EP400: variants seen among roughly 807,000 people sequenced by gnomAD.
EP400 encodes E1A-binding protein p400.
In EP400, 105 loss-of-function variants were observed where a neutral mutation model predicts 354.1. That is an observed-to-expected ratio of 0.30 (90% CI 0.25 to 0.35). EP400 has a LOEUF of 0.35. EP400 is among the 10% of genes least tolerant of loss of function. The probability of loss-of-function intolerance (pLI) is 1.00; values close to 1 mark genes in which losing one functional copy is unlikely to be tolerated. For synonymous variants in EP400, 1,646 were observed against 1,716.9 expected (o/e 0.96, Z 1.02); for missense variants, 3,280 against 4,121.0 (o/e 0.80, Z 5.59).
rs566877513 is a variant in EP400, at chr12:132,007,771, G to A, written c.3304+894G>A. On this transcript the variant is annotated intron_variant, in intron 15 of 52. Transcript: ENST00000389561. Reference sequence around the variant, plus strand: ...TTGTCTTTACATTTGAGCTTTGAACGTAAAGCTGGACACGTTTAAATTAGG... The same window carrying A: ...TTGTCTTTACATTTGAGCTTTGAACATAAAGCTGGACACGTTTAAATTAGG... Among the ~76,000 whole-genome samples, 4 of 152,294 alleles carry A rather than the reference G, an allele frequency of 2.6e-5. No individual in the cohort carries two copies. The South Asian group carries it at 6.2e-4, about 24-fold the overall frequency.
intron 2 of EP400, among the ~76,000 whole-genome samples, chr12:131,968,076 C>G (rs1288825347): frequency 6.6e-6 from 1 of 151,930 alleles, no homozygotes; most frequent in African/African-American, 2.4e-5. Context: ...TTAAGACTAT[C>G]TTTTTCAGAA....
chr12:132,009,196 T>C (rs890590876), intron 15 of EP400, among the ~76,000 whole-genome samples: 1 of 151,620 alleles, frequency 6.6e-6, no homozygotes, highest in African/African-American at 2.4e-5. Context: ...CTGCCCAAAG[T>C]GGTGGGATTA....
At chr12:132,044,372 A>G (rs1222963959) in intron 35 of EP400, 61 bp downstream of exon 35, 11 of 1,565,954 alleles carry the variant, frequency 7.0e-6, no homozygotes, top group South Asian at 5.9e-5. Context: ...TTGTGCAGCC[A>G]TGTTTGGCTT....
rs911999351 is a variant in EP400, at chr12:132,079,818, A to G, written c.*2145A>G. The G allele has an allele frequency of 9.2e-5, 14 of 152,178 alleles. No individual in the cohort carries two copies. Among genetic ancestry groups the G allele is most frequent in the African/African-American group, 3.4e-4 (14 of 41,446 alleles). The allele number at this position is 152,178 out of a possible 1,614,324, so 9.4% of individuals were successfully genotyped here. On this transcript the variant is annotated 3_prime_UTR_variant, in exon 53 of 53. Transcript: ENST00000389561. ...GTTCCCTAATACAAAACACGGACATATTTTTACTCGTAGCACTCAATTTAG... is the reference window on the plus strand; with the variant it reads ...GTTCCCTAATACAAAACACGGACATGTTTTTACTCGTAGCACTCAATTTAG...
intron 1 of EP400, among the ~76,000 whole-genome samples, chr12:131,957,513 TTTTC>T (rs1250875616): frequency 8.1e-4 from 122 of 150,992 alleles, no homozygotes; most frequent in African/African-American, 2.7e-3. Flanking sequence ...ACGTTTTGAT[TTTTC>T]TTTCTTTCTT....
intron 29 of EP400, 124 bp downstream of exon 29, chr12:132,030,282 T>C: frequency 8.6e-7 from 1 of 1,157,470 alleles, no homozygotes; most frequent in Non-Finnish European, 1.2e-6. Flanking sequence ...TTAATGAGCT[T>C]CTGAACTTTT....
chr12:132,078,774 T>TG lies in EP400; in HGVS notation c.*1103dup, dbSNP rs1896310276. 6.6e-6 allele frequency: 1 copy of TG among 152,250 alleles called. No individual in the cohort carries two copies. Among genetic ancestry groups the TG allele is most frequent in the Non-Finnish European group, 1.5e-5 (1 of 68,042 alleles). 9.4% of individuals were successfully genotyped at this position (152,250 alleles called of 1,614,324 possible). The stretch of plus-strand genomic sequence containing the variant: ...AGATTTTCTCTAGGATAAGCTTGTG[T>TG]GGTTCTGCCAGTGAAGCAGAGAACC... On this transcript the variant is annotated 3_prime_UTR_variant, in exon 53 of 53. Transcript: ENST00000389561.
intron 2 of EP400, among the ~76,000 whole-genome samples, chr12:131,966,023 C>G (rs1410231511): frequency 1.3e-5 from 2 of 149,590 alleles, no homozygotes; most frequent in African/African-American, 5.0e-5. Context: ...GTTTGGGTGG[C>G]TGGCTGGCTG....
At position 132,038,812 on chromosome 12, in the gene EP400, C is replaced by G. The variant is rs1174406118; in HGVS notation, c.6207+716C>G. Among the ~76,000 whole-genome samples the G allele has an allele frequency of 6.6e-6, 1 of 152,164 alleles. No individual in the cohort carries two copies. The highest frequency in any genetic ancestry group is 2.4e-5 in the African/African-American group (1 of 41,436). ...AGCCCCACGTCCTGGAGATGGAGGC[C>G]TTCAGCTGCCTTTGTTCTCTGAGTC... is the stretch of plus-strand genomic sequence containing the variant. On this transcript the variant is annotated intron_variant, in intron 32 of 52. Coordinates refer to ENST00000389561, the MANE Select transcript of EP400 (RefSeq NM_015409.5). This position sits in a 1 kb window ranked among gnomAD's most constrained non-coding sequence, Gnocchi z 4.2.
chr12:131,957,482 T>C (rs1406132555), intron 1 of EP400, among the ~76,000 whole-genome samples: 3 of 151,360 alleles, frequency 2.0e-5, no homozygotes, highest in African/African-American at 7.3e-5. Context: ...TTTTTTTTTT[T>C]CCTGTCACCT....
At chr12:132,076,384 C>A in intron 51 of EP400, 132 bp from the exon 52 acceptor site, 1 of 892,558 alleles carries the variant, frequency 1.1e-6, no homozygotes, top group Non-Finnish European at 1.8e-6. Context: ...GGGCACACTA[C>A]GAGAATTGCT....
intron 22 of EP400, 50 bp downstream of exon 22, chr12:132,020,268 G>A: frequency 2.0e-6 from 3 of 1,523,188 alleles, no homozygotes; most frequent in South Asian, 1.3e-5. Flanking sequence ...GTTTTTGTGG[G>A]ACAAGTTCAT....
intron 21 of EP400, among the ~76,000 whole-genome samples, chr12:132,019,596 A>G (rs529710392): frequency 6.6e-6 from 1 of 152,068 alleles, no homozygotes; most frequent in African/African-American, 2.4e-5. Context: ...CTAGCTACTT[A>G]GAGGCTGAGG....
rs545685421 is a variant in EP400, at chr12:132,061,963, C to T, written c.7885-147C>T. The stretch of plus-strand genomic sequence containing the variant: ...TTGCTTGTGAATTTACACATGAAAT[C>T]AGCAGTTTTCAAAAGACTGAACTCT... On this transcript the variant is annotated intron_variant, in intron 45 of 52. Transcript: ENST00000389561. 7.6e-6 allele frequency: 5 copies of T among 655,406 alleles called. No individual in the cohort carries two copies. The East Asian group carries it at 1.4e-4, about 18-fold the overall frequency. 40.6% of individuals were successfully genotyped at this position (655,406 alleles called of 1,614,324 possible).
chr12:131,975,128 G>A (rs1892427255), intron 2 of EP400, among the ~76,000 whole-genome samples: 2 of 151,994 alleles, frequency 1.3e-5, no homozygotes, highest in African/African-American at 4.8e-5. Flanking sequence ...GTCTTCTGCA[G>A]AACCCAGGGG....
At chr12:131,979,032 C>T (rs930947667) in intron 2 of EP400, among the ~76,000 whole-genome samples, 17 of 151,960 alleles carry the variant, frequency 1.1e-4, no homozygotes, top group African/African-American at 1.9e-4. Flanking sequence ...CTGGCTAATG[C>T]GGTGAAACCC....
chr12:131,960,707 G>GGGGGC lies in EP400; in HGVS notation c.88_89insGGGGC (p.Ala30GlyfsTer34). The GGGGGC allele has an allele frequency of 7.8e-6, 12 of 1,545,452 alleles. No homozygotes were observed. Among genetic ancestry groups the GGGGGC allele is most frequent in the Non-Finnish European group, 1.0e-5 (12 of 1,146,118 alleles). On this transcript the variant is annotated frameshift_variant, in exon 2 of 53. Transcript: ENST00000389561. LOFTEE classifies it high-confidence loss of function. The stretch of plus-strand genomic sequence containing the variant: ...TGGCAGCGAGGGTGAGGAGCAGCCG[G>GGGGGC]CCCACCCCAACCCACCCCCGTCCCC...
intron 35 of EP400, 108 bp from the exon 36 acceptor site, chr12:132,044,563 G>A: frequency 2.2e-6 from 3 of 1,369,288 alleles, no homozygotes; most frequent in South Asian, 1.2e-5. Flanking sequence ...TAGTCATGTT[G>A]ATCAGAACTT....
intron 39 of EP400, among the ~76,000 whole-genome samples, chr12:132,049,136 G>A (rs1282773049): frequency 6.6e-6 from 1 of 152,234 alleles, no homozygotes; most frequent in African/African-American, 2.4e-5. Context: ...GAGTGGGACA[G>A]CCCCACCTCT....
Sources: allele counts gnomAD v4.1 joint callset (sites outside exome capture counted in the v4.1 genomes callset), GRCh38; gene constraint gnomAD v4.1.1; non-coding constraint Gnocchi (gnomAD v3.1); transcripts MANE v1.5; gene names NCBI Gene and HGNC (gene_info 2026-07-23, HGNC 2026-07-21).